Variants in AGBL1 observed in about 807,000 individuals in gnomAD.
AGBL1 encodes the protein cytosolic carboxypeptidase 4.
In AGBL1, 130 loss-of-function variants were observed where a neutral mutation model predicts 118.9. The ratio of observed to expected loss-of-function variants is 1.09; its 90% CI spans 0.95 to 1.26. AGBL1 has a LOEUF of 1.26. AGBL1 is among the 50% of genes most tolerant of loss of function. AGBL1 has a pLI of 0.00. For synonymous variants in AGBL1, 555 were observed against 478.9 expected, an observed-to-expected ratio of 1.16 and a Z score of -2.08; for missense variants, 1,584 against 1,298.1, an observed-to-expected ratio of 1.22 and a Z score of -3.38.
intron 1 of AGBL1, among the ~76,000 whole-genome samples, chr15:86,105,647 T>C (rs183523413): frequency 6.6e-6 from 1 of 152,290 alleles, no homozygotes; most frequent in East Asian, 1.9e-4. Context: ...TCAGCCCTTT[T>C]TCTATTTTCC....
chr15:86,821,799 C>T (rs1393749263), intron 22 of AGBL1, among the ~76,000 whole-genome samples: 1 of 152,148 alleles, frequency 6.6e-6, no homozygotes, highest in Admixed American at 6.5e-5. Context: ...GTTTCACACA[C>T]CTTTAAGGTG....
chr15:86,811,004 G>C (rs986178929), intron 22 of AGBL1, among the ~76,000 whole-genome samples: 1 of 152,166 alleles, frequency 6.6e-6, no homozygotes, highest in African/African-American at 2.4e-5. Flanking sequence ...TCAAGAGATT[G>C]GTTATTGTTT....
At chr15:86,135,679 A>T (rs1327277771) in intron 1 of AGBL1, among the ~76,000 whole-genome samples, 1 of 152,182 alleles carries the variant, frequency 6.6e-6, no homozygotes, top group Non-Finnish European at 1.5e-5. Flanking sequence ...AAGAGGAATG[A>T]GTCAAAAATC....
intron 21 of AGBL1, among the ~76,000 whole-genome samples, chr15:86,562,850 C>G (rs900056135): frequency 1.5e-5 from 2 of 134,202 alleles, no homozygotes; most frequent in Non-Finnish European, 3.3e-5. Flanking sequence ...AGGGAATCAA[C>G]TTCTTCCTGG....
chr15:86,580,084 G>T (rs939820446), intron 21 of AGBL1, among the ~76,000 whole-genome samples: 4 of 152,190 alleles, frequency 2.6e-5, no homozygotes, highest in African/African-American at 7.2e-5. Context: ...TTTCTTCTGT[G>T]AAATTCTTGA....
intron 23 of AGBL1, among the ~76,000 whole-genome samples, chr15:86,987,680 C>T (rs897235896): frequency 2.0e-5 from 3 of 152,072 alleles, no homozygotes; most frequent in African/African-American, 7.2e-5. Context: ...ATGATATAAT[C>T]GTGTTTCCTT....
chr15:86,245,545 C>A (rs1264658161), intron 6 of AGBL1, among the ~76,000 whole-genome samples: 1 of 152,082 alleles, frequency 6.6e-6, no homozygotes, highest in Non-Finnish European at 1.5e-5. Context: ...TGCTTGTCCA[C>A]CAACCCTGTA....
chr15:86,117,123 A>C (rs1391108807), intron 1 of AGBL1, among the ~76,000 whole-genome samples: 1 of 151,896 alleles, frequency 6.6e-6, no homozygotes, highest in Non-Finnish European at 1.5e-5. Flanking sequence ...TCCTTTTTAC[A>C]TAAAGAAATC....
intron 21 of AGBL1, among the ~76,000 whole-genome samples, chr15:86,634,146 CAG>C (rs2142445856): frequency 6.6e-6 from 1 of 152,190 alleles, no homozygotes; most frequent in African/African-American, 2.4e-5. Context: ...CTTTGGAAAA[CAG>C]TGTGGCAATT....
At chr15:86,829,106 A>C (rs551901270) in intron 22 of AGBL1, among the ~76,000 whole-genome samples, 6 of 152,032 alleles carry the variant, frequency 3.9e-5, no homozygotes, top group South Asian at 2.1e-4. Flanking sequence ...AGAGTAGAAG[A>C]TAATCTCAAC....
intron 22 of AGBL1, among the ~76,000 whole-genome samples, chr15:86,885,844 G>A (rs1386067476): frequency 1.3e-5 from 2 of 152,074 alleles, no homozygotes; most frequent in South Asian, 2.1e-4. Context: ...TGTAAACTTC[G>A]AATCCCTGGG....
chr15:86,196,240 A>C (rs1209242737), intron 5 of AGBL1, among the ~76,000 whole-genome samples: 2 of 152,224 alleles, frequency 1.3e-5, no homozygotes, highest in East Asian at 1.9e-4. Flanking sequence ...GTTCAGATGT[A>C]GGATGGACGT....
chr15:87,017,356 A>C (rs756400568), intron 24 of AGBL1, among the ~76,000 whole-genome samples: 34 of 152,160 alleles, frequency 2.2e-4, no homozygotes, highest in Non-Finnish European at 3.8e-4. Context: ...AGAGGTCTCC[A>C]GCTACCTCCT....
At chr15:86,866,308 T>C (rs2079628551) in intron 22 of AGBL1, among the ~76,000 whole-genome samples, 1 of 152,198 alleles carries the variant, frequency 6.6e-6, no homozygotes, top group African/African-American at 2.4e-5. Context: ...TATTCTTGAA[T>C]TGTTGGTTGG....
At chr15:86,607,990 G>A (rs574654350) in intron 21 of AGBL1, among the ~76,000 whole-genome samples, 1 of 152,220 alleles carries the variant, frequency 6.6e-6, no homozygotes, top group Non-Finnish European at 1.5e-5. Flanking sequence ...CTAAGCTGGA[G>A]GACCACTTTG....
intron 24 of AGBL1, among the ~76,000 whole-genome samples, chr15:87,024,929 T>G (rs2081709750): frequency 6.6e-6 from 1 of 151,930 alleles, no homozygotes; most frequent in African/African-American, 2.4e-5. Context: ...AAATCCAGCA[T>G]CCCTTTATGA....
At chr15:86,162,291 C>G (rs1472853559) in intron 5 of AGBL1, among the ~76,000 whole-genome samples, 2 of 152,232 alleles carry the variant, frequency 1.3e-5, no homozygotes, top group African/African-American at 4.8e-5. Context: ...TTCCGGGATG[C>G]CTTTGTAGGA....
At chr15:86,361,890 A>T (rs1367115652) in intron 17 of AGBL1, among the ~76,000 whole-genome samples, 2 of 152,158 alleles carry the variant, frequency 1.3e-5, no homozygotes, top group African/African-American at 4.8e-5. Flanking sequence ...TTTTAAAAAA[A>T]TTCATTCAGC....
chr15:86,958,008 CCTAAGCCTCA>C (rs1181693009), intron 23 of AGBL1, among the ~76,000 whole-genome samples: 2 of 151,804 alleles, frequency 1.3e-5, no homozygotes, highest in Non-Finnish European at 1.5e-5. Context: ...TCGAGACCAG[CCTAAGCCTCA>C]TGGCAAGACC....
Sources: gnomAD v4.1 joint callset for allele counts (sites outside exome capture counted in the v4.1 genomes callset) on GRCh38, gnomAD v4.1.1 for gene constraint, MANE v1.5 for transcripts, NCBI Gene and HGNC (gene_info 2026-07-23, HGNC 2026-07-21) for gene names.